MYO16: variants seen among roughly 807,000 people sequenced by gnomAD.
MYO16 encodes unconventional myosin-XVI.
A neutral mutation model predicts 205.3 loss-of-function variants in MYO16; 94 were observed. That is an observed-to-expected ratio of 0.46 (90% CI 0.39 to 0.54). MYO16 has a LOEUF of 0.54. Ranked by LOEUF, MYO16 falls within the 20% of genes least tolerant of loss-of-function variation. The pLI, the probability that MYO16 is intolerant of heterozygous loss-of-function variation, is 0.00. For synonymous variants in MYO16, 988 were observed against 954.0 expected, an observed-to-expected ratio of 1.04 and a Z score of -0.66; for missense variants, 2,315 against 2,387.5, an observed-to-expected ratio of 0.97 and a Z score of 0.63.
At chr13:108,608,335 T>C (rs1439054022) in intron 1 of MYO16, among the ~76,000 whole-genome samples, 2 of 152,162 alleles carry the variant, frequency 1.3e-5, no homozygotes, top group Non-Finnish European at 2.9e-5. Flanking sequence ...GCTAATAATT[T>C]GCCATTATAT....
At chr13:108,832,717 A>G (rs560734269) in intron 9 of MYO16, among the ~76,000 whole-genome samples, 1 of 152,320 alleles carries the variant, frequency 6.6e-6, no homozygotes, top group South Asian at 2.1e-4. Context: ...TTTAAGCAAT[A>G]ATAAATCATA....
chr13:108,948,324 AG>A (rs1883011767), intron 16 of MYO16, among the ~76,000 whole-genome samples: 1 of 152,260 alleles, frequency 6.6e-6, no homozygotes. Context: ...GTATTCGCAC[AG>A]CAGATAAAAA....
chr13:108,888,615 G>A (rs1880014473), intron 14 of MYO16, 138 bp downstream of exon 14: 2 of 481,722 alleles, frequency 4.2e-6, no homozygotes, highest in Non-Finnish European at 7.4e-6. Context: ...AAATTATTGA[G>A]CTTGGGTTCA....
the MYO16 span, among the ~76,000 whole-genome samples, chr13:108,542,814 C>T: frequency 6.6e-6 from 1 of 151,732 alleles, no homozygotes; most frequent in Non-Finnish European, 1.5e-5. Context: ...TGTGAGAAAG[C>T]CCATCTGCAT....
At chr13:109,059,157 T>C (rs1887507437) in intron 27 of MYO16, among the ~76,000 whole-genome samples, 3 of 152,162 alleles carry the variant, frequency 2.0e-5, no homozygotes, top group Admixed American at 6.5e-5. Context: ...ATCAATTGCT[T>C]CCAAATCCCA....
chr13:108,895,209 C>CA (rs11306898), intron 14 of MYO16, among the ~76,000 whole-genome samples: 6 of 151,112 alleles, frequency 4.0e-5, no homozygotes, highest in African/African-American at 7.3e-5. Context: ...ATTATAAATA[C>CA]AAAAAAAAAG....
chr13:108,714,522 A>G (rs1883857483), intron 3 of MYO16, among the ~76,000 whole-genome samples: 1 of 152,074 alleles, frequency 6.6e-6, no homozygotes, highest in South Asian at 2.1e-4. Context: ...AGGAGAAGGA[A>G]GAGGAGTTGG....
At chr13:108,945,740 G>A (rs1882914314) in intron 16 of MYO16, among the ~76,000 whole-genome samples, 1 of 152,076 alleles carries the variant, frequency 6.6e-6, no homozygotes, top group African/African-American at 2.4e-5. Context: ...TTTTGGATAA[G>A]TTTACCTCAG....
intron 31 of MYO16, among the ~76,000 whole-genome samples, chr13:109,135,039 C>G (rs1362628182): frequency 6.6e-6 from 1 of 152,190 alleles, no homozygotes; most frequent in African/African-American, 2.4e-5. Flanking sequence ...GCCGGTGCCT[C>G]CGGTACGATT....
At chr13:109,083,509 G>T (rs1888345788) in intron 27 of MYO16, among the ~76,000 whole-genome samples, 2 of 150,722 alleles carry the variant, frequency 1.3e-5, no homozygotes, top group African/African-American at 4.9e-5. Flanking sequence ...TGAGGGTGCT[G>T]GGTAGAAGAA....
intron 2 of MYO16, among the ~76,000 whole-genome samples, chr13:108,676,403 G>GTGTGTGTGTGTGTGTGTGTGTGTGTT (rs143639000): frequency 6.7e-6 from 1 of 148,224 alleles, no homozygotes; most frequent in African/African-American, 2.5e-5. Flanking sequence ...GTGTGTGTGT[G>GTGTGTGTGTGTGTGTGTGTGTGTGTT]TGTGCCAGCC....
intron 33 of MYO16, among the ~76,000 whole-genome samples, chr13:109,166,435 A>T (rs1878668639): frequency 6.6e-6 from 1 of 152,228 alleles, no homozygotes; most frequent in Non-Finnish European, 1.5e-5. Flanking sequence ...GATTGAAGCA[A>T]AAGGGAAGAA....
At chr13:109,048,579 G>A in intron 24 of MYO16, 1 of 375,782 alleles carries the variant, frequency 2.7e-6, no homozygotes. Context: ...CAGGCAGTGG[G>A]CCATGTTTGG....
At position 108,749,253 on chromosome 13, in the gene MYO16, C is replaced by T. The variant is rs75950925; in HGVS notation, c.507+21670C>T. 2.1e-3 allele frequency among the ~76,000 whole-genome samples: 315 copies of T among 152,220 alleles called. 2 individuals carry two copies. Among genetic ancestry groups the T allele is most frequent in the African/African-American group, 7.1e-3 (295 of 41,554 alleles). ...AGTCACTATGATATGTAATCAATCT[C>T]TTGAATTTATTCCGCCTATCTGGCT... On this transcript the variant is annotated intron_variant, in intron 4 of 34. Transcript: ENST00000457511.
At position 109,096,403 on chromosome 13, in the gene MYO16, A is replaced by T. The variant is rs187875831; in HGVS notation, c.3336-4382A>T. Among the ~76,000 whole-genome samples, 130 of 152,200 alleles carry T rather than the reference A, an allele frequency of 8.5e-4. 1 individual carries two copies. Among genetic ancestry groups the T allele is most frequent in the African/African-American group, 2.9e-3 (121 of 41,510 alleles). ...GGCCCTACCCTAATGATCTCGCCTT[A>T]ACTTGAGTACTCTCCAAAGACCCTA... On this transcript the variant is annotated intron_variant, in intron 27 of 34. Coordinates refer to ENST00000457511, the MANE Select transcript of MYO16 (RefSeq NM_001198950.3).
At chr13:109,113,319 AAGGAAGGG>A (rs1310176588) in intron 28 of MYO16, among the ~76,000 whole-genome samples, 1 of 138,204 alleles carries the variant, frequency 7.2e-6, no homozygotes, top group East Asian at 2.2e-4. Flanking sequence ...AGAGAGGAAG[AAGGAAGGG>A]AGGAAGGAAG....
chr13:108,583,460 G>T, the MYO16 span, among the ~76,000 whole-genome samples: 2 of 152,114 alleles, frequency 1.3e-5, no homozygotes, highest in African/African-American at 4.8e-5. Context: ...CTAACATGGA[G>T]TATTTTAGTA....
intron 22 of MYO16, among the ~76,000 whole-genome samples, chr13:109,016,233 T>C (rs1885812242): frequency 6.6e-6 from 1 of 152,230 alleles, no homozygotes; most frequent in Admixed American, 6.5e-5. Flanking sequence ...CAGTAGTCAT[T>C]GAGGAGCAGG....
chr13:109,066,388 C>T (rs772807203), intron 27 of MYO16, among the ~76,000 whole-genome samples: 1 of 152,146 alleles, frequency 6.6e-6, no homozygotes, highest in Non-Finnish European at 1.5e-5. Flanking sequence ...CCAAATCTAA[C>T]CATTTTCTTT....
Sources: gnomAD v4.1 joint callset for allele counts (sites outside exome capture counted in the v4.1 genomes callset) on GRCh38, gnomAD v4.1.1 for gene constraint, MANE v1.5 for transcripts, NCBI Gene and HGNC (gene_info 2026-07-23, HGNC 2026-07-21) for gene names.